EIF4G3: variants seen among roughly 807,000 people sequenced by gnomAD.
EIF4G3 encodes the protein eukaryotic translation initiation factor 4 gamma 3.
EIF4G3 carries 34 observed loss-of-function variants against 186.4 expected under a neutral mutation model. The observed-to-expected ratio is 0.18, with a 90% CI of 0.14 to 0.24. The LOEUF (loss-of-function observed/expected upper bound fraction) is 0.24. EIF4G3 is among the 10% of genes least tolerant of loss of function. The pLI, the probability that EIF4G3 is intolerant of heterozygous loss-of-function variation, is 1.00. For missense variants in EIF4G3, 1,536 were observed against 1,948.5 expected, an observed-to-expected ratio of 0.79 and a Z score of 3.99; for synonymous variants, 673 against 679.5, an observed-to-expected ratio of 0.99 and a Z score of 0.15.
chr1:20,945,828 C>T (rs1558374929), intron 13 of EIF4G3, among the ~76,000 whole-genome samples: 1 of 152,044 alleles, frequency 6.6e-6, no homozygotes, highest in East Asian at 1.9e-4. Flanking sequence ...GGGCACAAAA[C>T]TCTATGTAGA....
chr1:20,886,415 T>C (rs750454272), intron 18 of EIF4G3, 44 bp from the exon 19 acceptor site: 44 of 1,588,076 alleles, frequency 2.8e-5, no homozygotes, highest in Non-Finnish European at 3.7e-5. Flanking sequence ...TTACAATTTA[T>C]TGGCTTTGTT....
chr1:21,160,107 C>CA (rs34145998), intron 2 of EIF4G3, among the ~76,000 whole-genome samples: 54,491 of 113,772 alleles, frequency 0.48, 11,389 homozygotes, highest in Middle Eastern at 0.63. Flanking sequence ...AACTCCATCT[C>CA]AAAAAAAAAA....
chr1:20,889,137 T>A (rs1340730484), intron 18 of EIF4G3, among the ~76,000 whole-genome samples: 1 of 152,252 alleles, frequency 6.6e-6, no homozygotes, highest in Non-Finnish European at 1.5e-5. Context: ...AAATGTATTA[T>A]GAAATTATAC....
intron 4 of EIF4G3, among the ~76,000 whole-genome samples, chr1:21,003,175 T>TC (rs1432449175): frequency 1.2e-4 from 8 of 67,506 alleles, no homozygotes; most frequent in South Asian, 8.2e-4. Flanking sequence ...TTTTTTCTTT[T>TC]TTTTTTTTTT....
chr1:21,054,768 A>C (rs2094486977), intron 3 of EIF4G3, among the ~76,000 whole-genome samples: 1 of 152,140 alleles, frequency 6.6e-6, no homozygotes, highest in Non-Finnish European at 1.5e-5. Context: ...ATCACTTATA[A>C]CTCTCTAAAC....
At chr1:20,904,502 T>G (rs1029370156) in intron 15 of EIF4G3, among the ~76,000 whole-genome samples, 1 of 152,054 alleles carries the variant, frequency 6.6e-6, no homozygotes, top group Non-Finnish European at 1.5e-5. Flanking sequence ...TGCGCCACCA[T>G]GTGTGGCTAG....
intron 4 of EIF4G3, among the ~76,000 whole-genome samples, chr1:21,008,122 C>T (rs2085816625): frequency 6.6e-6 from 1 of 152,180 alleles, no homozygotes; most frequent in South Asian, 2.1e-4. Flanking sequence ...GCCTGGGCGA[C>T]AGAGTGAGAA....
chr1:21,121,585 G>A (rs911611284), intron 2 of EIF4G3, among the ~76,000 whole-genome samples: 4 of 152,038 alleles, frequency 2.6e-5, no homozygotes, highest in African/African-American at 9.7e-5. Context: ...GACCAGCCTG[G>A]CCAACATGCT....
At chr1:20,915,633 T>C (rs913028221) in intron 14 of EIF4G3, among the ~76,000 whole-genome samples, 9 of 152,188 alleles carry the variant, frequency 5.9e-5, no homozygotes, top group Admixed American at 2.0e-4. Context: ...TATGATTTAC[T>C]AACAAATGTA....
intron 10 of EIF4G3, among the ~76,000 whole-genome samples, chr1:20,978,301 G>A (rs887485888): frequency 9.2e-5 from 14 of 151,592 alleles, no homozygotes; most frequent in African/African-American, 3.4e-4. Flanking sequence ...TATATATATT[G>A]TGTAACTTTT....
At chr1:21,141,377 T>TTGTGTGTGTGTGTGTGTGTGTGTG (rs10627733) in intron 2 of EIF4G3, among the ~76,000 whole-genome samples, 4 of 145,154 alleles carry the variant, frequency 2.8e-5, no homozygotes, top group Non-Finnish European at 4.5e-5. Context: ...TATTTTTTCT[T>TTGTGTGTGTGTGTGTGTGTGTGTG]TGTGTGTGTG....
rs187948037 is a variant in EIF4G3, at chr1:21,133,336, T to C, written c.-272+42839A>G. Among the ~76,000 whole-genome samples, 50 of 152,234 alleles carry C rather than the reference T, an allele frequency of 3.3e-4. 1 individual carries two copies. In the East Asian group the frequency reaches 9.3e-3, roughly 28 times the overall value. ...GCCTCCCAGGTTCCAGCAATTCTAC[T>C]GCCTCAGCCTCCGGAGTAGCTGGGA... On this transcript the variant is annotated intron_variant, in intron 2 of 36. Coordinates refer to ENST00000602326, the MANE Select transcript of EIF4G3 (RefSeq NM_001391906.1).
intron 4 of EIF4G3, among the ~76,000 whole-genome samples, chr1:21,039,190 G>C (rs903363685): frequency 1.3e-5 from 2 of 152,168 alleles, no homozygotes; most frequent in African/African-American, 4.8e-5. Context: ...ACTATTCAAC[G>C]GGTAAAGGAC....
intron 36 of EIF4G3, among the ~76,000 whole-genome samples, chr1:20,808,797 G>A (rs999129323): frequency 3.9e-5 from 6 of 152,000 alleles, no homozygotes; most frequent in South Asian, 2.1e-4. Flanking sequence ...CAAACTATCC[G>A]TGTGATTTTA....
intron 10 of EIF4G3, among the ~76,000 whole-genome samples, chr1:20,979,852 G>A (rs1413356876): frequency 3.3e-5 from 5 of 151,526 alleles, no homozygotes; most frequent in Non-Finnish European, 5.9e-5. Context: ...CCGGGTTCAA[G>A]CCATTCTCCT....
chr1:20,937,950 C>T (rs1407190894), intron 14 of EIF4G3, among the ~76,000 whole-genome samples: 1 of 151,838 alleles, frequency 6.6e-6, no homozygotes, highest in Non-Finnish European at 1.5e-5. Context: ...ATATACACAC[C>T]AAATTCTAAT....
chr1:20,925,779 A>C (rs1206478316), intron 14 of EIF4G3, among the ~76,000 whole-genome samples: 1 of 152,114 alleles, frequency 6.6e-6, no homozygotes, highest in Non-Finnish European at 1.5e-5. Context: ...TGATCTTCTC[A>C]CCTCAGCCTT....
intron 12 of EIF4G3, among the ~76,000 whole-genome samples, chr1:20,953,396 T>C (rs2096292121): frequency 6.6e-6 from 1 of 152,218 alleles, no homozygotes; most frequent in Non-Finnish European, 1.5e-5. Context: ...TTCCTGATAG[T>C]GTTTGAGAAA....
intron 3 of EIF4G3, among the ~76,000 whole-genome samples, chr1:21,081,444 A>G (rs1316684589): frequency 6.6e-6 from 1 of 152,054 alleles, no homozygotes; most frequent in African/African-American, 2.4e-5. Flanking sequence ...AAATATATAT[A>G]TATGTGCTTG....
Sources: gnomAD v4.1 joint callset for allele counts (sites outside exome capture counted in the v4.1 genomes callset) on GRCh38, gnomAD v4.1.1 for gene constraint, MANE v1.5 for transcripts, NCBI Gene and HGNC (gene_info 2026-07-23, HGNC 2026-07-21) for gene names.